The following PRKCQ variants were observed in gnomAD, a reference collection of about 807,000 sequenced individuals.
PRKCQ encodes protein kinase C theta type.
A neutral mutation model predicts 91.2 loss-of-function variants in PRKCQ; 41 were observed. The ratio of observed to expected loss-of-function variants is 0.45; its 90% CI spans 0.35 to 0.58. The LOEUF (loss-of-function observed/expected upper bound fraction) is 0.58, where lower values mean the gene tolerates loss of function less well. Among genes scored for constraint, PRKCQ ranks in the 20% least tolerant of loss-of-function variants. The pLI is 0.00. For synonymous variants in PRKCQ, 307 were observed against 316.9 expected, an observed-to-expected ratio of 0.97 and a Z score of 0.33; for missense variants, 673 against 896.5, an observed-to-expected ratio of 0.75 and a Z score of 3.18.
intron 8 of PRKCQ, among the ~76,000 whole-genome samples, chr10:6,490,403 C>T (rs1435649048): frequency 6.6e-6 from 1 of 151,834 alleles, no homozygotes; most frequent in African/African-American, 2.4e-5. Context: ...AATAAAGTGG[C>T]TTATATATTT....
chr10:6,499,702 T>C (rs1358733470), intron 4 of PRKCQ, among the ~76,000 whole-genome samples: 1 of 152,222 alleles, frequency 6.6e-6, no homozygotes, highest in Non-Finnish European at 1.5e-5. Context: ...AAAAAGCAGG[T>C]TCATCATATT....
intron 1 of PRKCQ, among the ~76,000 whole-genome samples, chr10:6,564,058 T>TG (rs1840739349): frequency 6.6e-6 from 1 of 152,108 alleles, no homozygotes; most frequent in South Asian, 2.1e-4. Flanking sequence ...AAGAGGCTTC[T>TG]GGGGAGCTAC....
At chr10:6,404,476 TTC>T in the PRKCQ span, among the ~76,000 whole-genome samples, 2 of 149,852 alleles carry the variant, frequency 1.3e-5, no homozygotes, top group African/African-American at 2.4e-5. Context: ...TTTTCCTTTT[TTC>T]TTTCTTTCTC....
At chr10:6,454,968 GAA>G (rs1834930242) in intron 15 of PRKCQ, among the ~76,000 whole-genome samples, 2 of 152,152 alleles carry the variant, frequency 1.3e-5, no homozygotes, top group Non-Finnish European at 2.9e-5. Context: ...GTTTGCCGTG[GAA>G]AAGACCCGGC....
rs138280783 is a variant in PRKCQ, at chr10:6,477,293, C to A, written c.1353+1699G>T. 2.0e-3 allele frequency among the ~76,000 whole-genome samples: 312 copies of A among 152,330 alleles called. 2 individuals carry two copies. Among genetic ancestry groups the A allele is most frequent in the Non-Finnish European group, 3.6e-3 (242 of 68,026 alleles). Reference sequence around the variant, plus strand: ...TCAAGGTCGGGAGCTGTATTATATACTTCTGTATCCTCCACAGTGCTTTGA... The same window carrying A: ...TCAAGGTCGGGAGCTGTATTATATAATTCTGTATCCTCCACAGTGCTTTGA... On this transcript the variant is annotated intron_variant, in intron 12 of 17. Transcript: ENST00000263125.
chr10:6,567,179 G>A (rs953282818), intron 1 of PRKCQ, among the ~76,000 whole-genome samples: 2 of 152,222 alleles, frequency 1.3e-5, no homozygotes, highest in African/African-American at 4.8e-5. Context: ...AGAGACACAG[G>A]AAGCAGAAAG....
At chr10:6,509,890 AT>A (rs144989466) in intron 3 of PRKCQ, among the ~76,000 whole-genome samples, 1 of 152,176 alleles carries the variant, frequency 6.6e-6, no homozygotes, top group Admixed American at 6.5e-5. Flanking sequence ...AAAAGCATCC[AT>A]TTTTTTAGGT....
chr10:6,474,320 G>T (rs751689441), intron 12 of PRKCQ, among the ~76,000 whole-genome samples: 1 of 152,196 alleles, frequency 6.6e-6, no homozygotes, highest in Admixed American at 6.5e-5. Context: ...CTGAGGGAAC[G>T]ACCCAGAGAC....
intron 1 of PRKCQ, among the ~76,000 whole-genome samples, chr10:6,544,318 G>C (rs1839875886): frequency 6.6e-6 from 1 of 152,150 alleles, no homozygotes; most frequent in South Asian, 2.1e-4. Flanking sequence ...ATCGCTCAAG[G>C]TTTTTCATCG....
chr10:6,440,744 T>C (rs1427087068), intron 16 of PRKCQ, among the ~76,000 whole-genome samples: 1 of 152,166 alleles, frequency 6.6e-6, no homozygotes, highest in African/African-American at 2.4e-5. Flanking sequence ...GTCCCAGCAC[T>C]TTGGGAGGCC....
At chr10:6,513,546 G>T (rs1838600203) in intron 2 of PRKCQ, among the ~76,000 whole-genome samples, 1 of 151,868 alleles carries the variant, frequency 6.6e-6, no homozygotes, top group Non-Finnish European at 1.5e-5. Context: ...GTCAAAGGCG[G>T]CTTTGAAAAA....
intron 1 of PRKCQ, among the ~76,000 whole-genome samples, chr10:6,557,434 C>T (rs12249398): frequency 0.072 from 10,938 of 152,234 alleles, 470 homozygotes; most frequent in Middle Eastern, 0.1. Flanking sequence ...CTCCTTGACA[C>T]TGCACAGGAC....
intron 2 of PRKCQ, among the ~76,000 whole-genome samples, chr10:6,514,182 T>G (rs989966649): frequency 6.6e-6 from 1 of 152,142 alleles, no homozygotes; most frequent in African/African-American, 2.4e-5. Context: ...CCATCATCAT[T>G]ATCATTCCCT....
chr10:6,490,239 C>T (rs1215157741), intron 8 of PRKCQ, among the ~76,000 whole-genome samples: 1 of 152,024 alleles, frequency 6.6e-6, no homozygotes, highest in Non-Finnish European at 1.5e-5. Flanking sequence ...ACTGAGAGGT[C>T]GCTCTGGGTT....
In PRKCQ at chr10:6,483,608, T is replaced by A; in HGVS notation, c.1019-8A>T. ...AGGAAATGCCCTGAGGCTCTGAAAATGCAAGCTGGTGGTTAAAAATGAACA... is the reference window on the plus strand; with the variant it reads ...AGGAAATGCCCTGAGGCTCTGAAAAAGCAAGCTGGTGGTTAAAAATGAACA... On this transcript the variant is annotated splice_region_variant and splice_polypyrimidine_tract_variant and intron_variant, in intron 10 of 17. Coordinates refer to ENST00000263125, the MANE Select transcript of PRKCQ (RefSeq NM_006257.5). 1 of 1,613,084 alleles carries A rather than the reference T, an allele frequency of 6.2e-7. No individual in the cohort carries two copies. The highest frequency in any genetic ancestry group is 8.5e-7 in the Non-Finnish European group (1 of 1,179,694).
the PRKCQ span, among the ~76,000 whole-genome samples, chr10:6,407,207 C>T: frequency 6.6e-6 from 1 of 152,054 alleles, no homozygotes. The surrounding 1 kb of genome is among the most constrained non-coding windows in gnomAD (Gnocchi z 4.0). Context: ...CAATCCCATG[C>T]CGGCTGAGCT....
In PRKCQ at chr10:6,567,149, G is replaced by C. The variant is rs137897146; in HGVS notation, c.-10+13062C>G. ...ATTAGGGAGCTCCACTAATGAGAAG[G>C]ATAGAAGCCTCAAGCTCCCAGAGAC... On this transcript the variant is annotated intron_variant, in intron 1 of 17. Coordinates refer to ENST00000263125, the MANE Select transcript of PRKCQ (RefSeq NM_006257.5). Among the ~76,000 whole-genome samples, 280 of 152,292 alleles carry C rather than the reference G, an allele frequency of 1.8e-3. 2 individuals are homozygous for C. The highest frequency in any genetic ancestry group is 6.4e-3 in the African/African-American group (266 of 41,562).
the PRKCQ span, among the ~76,000 whole-genome samples, chr10:6,394,437 C>T: frequency 6.6e-6 from 1 of 152,208 alleles, no homozygotes; most frequent in Non-Finnish European, 1.5e-5. Flanking sequence ...AGAATTAGAA[C>T]ACAAACATCT....
intron 1 of PRKCQ, among the ~76,000 whole-genome samples, chr10:6,560,855 C>T (rs1840601854): frequency 6.6e-6 from 1 of 151,928 alleles, no homozygotes; most frequent in African/African-American, 2.4e-5. Context: ...CTGGCTAACA[C>T]AGTGAAACCC....
Sources: gnomAD v4.1 joint callset for allele counts (sites outside exome capture counted in the v4.1 genomes callset) on GRCh38, gnomAD v4.1.1 for gene constraint, Gnocchi (gnomAD v3.1) non-coding constraint, MANE v1.5 for transcripts, NCBI Gene and HGNC (gene_info 2026-07-23, HGNC 2026-07-21) for gene names.